The following COG5 variants were observed in gnomAD, a reference collection of about 807,000 sequenced individuals.
The protein encoded by COG5 is component of oligomeric golgi complex 5.
COG5 carries 86 observed loss-of-function variants against 110.4 expected under a neutral mutation model. The ratio of observed to expected loss-of-function variants is 0.78; its 90% CI spans 0.65 to 0.93. The LOEUF is 0.93. Ranked by LOEUF, COG5 falls within the 40% of genes least tolerant of loss-of-function variation. The probability of loss-of-function intolerance (pLI) is 0.00; values close to 1 mark genes in which losing one functional copy is unlikely to be tolerated. For missense variants in COG5, 1,077 were observed against 987.0 expected (o/e 1.09, Z -1.22); for synonymous variants, 360 against 334.6 (o/e 1.08, Z -0.83).
chr7:107,476,120 T>C lies in COG5; in HGVS notation c.538+51117A>G, dbSNP rs539938446. Among the ~76,000 whole-genome samples, 7 of 148,396 alleles carry C rather than the reference T, an allele frequency of 4.7e-5. No homozygotes were observed. In the East Asian group the frequency reaches 1.4e-3, roughly 29 times the overall value. On this transcript the variant is annotated intron_variant, in intron 6 of 21. Coordinates refer to ENST00000297135, the MANE Select transcript of COG5 (RefSeq NM_006348.5). ...AAGAATACTAAAACACCAGCCTCTT[T>C]CTTCCTTCCTCACTTTGCTTAAGTC...
rs1260127676 is a variant in COG5 at position 107,301,258 on chromosome 7, GACA to G, written c.1109-2915_1109-2913del. 3.3e-5 allele frequency among the ~76,000 whole-genome samples: 5 copies of G among 151,938 alleles called. 1 individual carries two copies. The highest frequency in any genetic ancestry group is 1.2e-4 in the African/African-American group (5 of 41,372). On this transcript the variant is annotated intron_variant, in intron 11 of 21. Coordinates refer to ENST00000297135, the MANE Select transcript of COG5 (RefSeq NM_006348.5). ...GTCTGCAAAAGAAATTGATAAACTG[GACA>G]ACATCTAAATTAAAAGTGTCTGCTC...
rs75743188 is a variant in COG5, at chr7:107,296,851, C to T, written c.1313+1291G>A. 3.1e-3 allele frequency among the ~76,000 whole-genome samples: 475 copies of T among 152,276 alleles called. 4 individuals are homozygous for T. Among genetic ancestry groups the T allele is most frequent in the African/African-American group, 0.011 (467 of 41,548 alleles). On this transcript the variant is annotated intron_variant, in intron 12 of 21. Coordinates refer to ENST00000297135, the MANE Select transcript of COG5 (RefSeq NM_006348.5). ...AAACAGCACCCATGAGTCTATCCAA[C>T]ATTTTTCTTACAAGATAGGTGATAA...
At chr7:107,263,473 T>C (rs1803538053) in intron 14 of COG5, among the ~76,000 whole-genome samples, 1 of 152,182 alleles carries the variant, frequency 6.6e-6, no homozygotes, top group Non-Finnish European at 1.5e-5. Flanking sequence ...ATGTACATAC[T>C]GGTTAATCAT....
chr7:107,267,959 G>A (rs1803936808), intron 14 of COG5, among the ~76,000 whole-genome samples: 1 of 152,106 alleles, frequency 6.6e-6, no homozygotes, highest in South Asian at 2.1e-4. Context: ...ACTTTTCGTA[G>A]TAAGAAATTC....
chr7:107,351,742 A>G (rs1812160455), intron 10 of COG5, among the ~76,000 whole-genome samples: 1 of 151,882 alleles, frequency 6.6e-6, no homozygotes, highest in Admixed American at 6.6e-5. Context: ...AGAGAAATGC[A>G]AATCAAAACC....
At chr7:107,512,168 A>T (rs912974695) in intron 6 of COG5, among the ~76,000 whole-genome samples, 1 of 152,138 alleles carries the variant, frequency 6.6e-6, no homozygotes, top group Admixed American at 6.6e-5. Flanking sequence ...GCCCAAAATC[A>T]CCTTAAGCTG....
At chr7:107,252,612 A>C (rs1043012659) in intron 16 of COG5, among the ~76,000 whole-genome samples, 5 of 152,216 alleles carry the variant, frequency 3.3e-5, no homozygotes, top group African/African-American at 7.2e-5. Context: ...ATTTTATGAC[A>C]ATATACCTTA....
At chr7:107,508,864 C>G (rs1799258122) in intron 6 of COG5, among the ~76,000 whole-genome samples, 1 of 152,120 alleles carries the variant, frequency 6.6e-6, no homozygotes, top group South Asian at 2.1e-4. Context: ...AACTACCAAA[C>G]AGAAAGGACA....
At chr7:107,380,977 C>T (rs1472718050) in intron 7 of COG5, among the ~76,000 whole-genome samples, 2 of 152,112 alleles carry the variant, frequency 1.3e-5, no homozygotes, top group Non-Finnish European at 2.9e-5. Context: ...AAGTTGGCTT[C>T]CACATACGTA....
intron 5 of COG5, 67 bp from the exon 6 acceptor site, chr7:107,527,424 T>C (rs1800853680): frequency 6.4e-7 from 1 of 1,566,020 alleles, no homozygotes; most frequent in African/African-American, 1.4e-5. Context: ...TAAATAGTAA[T>C]AACAAGCACA....
rs143875588 is a variant in COG5, at chr7:107,260,075, G to GATATATATATATATATATATATAT, written c.1576-1693_1576-1692insATATATATATATATATATATATAT. Among the ~76,000 whole-genome samples, 224 of 131,436 alleles carry GATATATATATATATATATATATAT rather than the reference G, an allele frequency of 1.7e-3. 3 individuals carry two copies. Among genetic ancestry groups the GATATATATATATATATATATATAT allele is most frequent in the Admixed American group, 3.1e-3 (39 of 12,624 alleles). The allele number at this position is 131,436 out of a possible 152,430, so 86.2% of individuals were successfully genotyped here. On this transcript the variant is annotated intron_variant, in intron 14 of 21. Transcript: ENST00000297135. Reference sequence around the variant, plus strand: ...GTGACACAGCAGTTCAACTCCTAGTGATATATATATATATATATGAAATAA... The same window carrying GATATATATATATATATATATATAT: ...GTGACACAGCAGTTCAACTCCTAGTGATATATATATATATATATATATATATATATATATATATATATGAAATAA...
chr7:107,254,001 A>T (rs1178421750), intron 16 of COG5, among the ~76,000 whole-genome samples: 2 of 152,120 alleles, frequency 1.3e-5, no homozygotes, highest in African/African-American at 4.8e-5. Context: ...TGGGCTCCTC[A>T]CTACAATAAA....
At chr7:107,516,095 TTTTA>T (rs1318635764) in intron 6 of COG5, among the ~76,000 whole-genome samples, 1 of 152,240 alleles carries the variant, frequency 6.6e-6, no homozygotes, top group Non-Finnish European at 1.5e-5. Flanking sequence ...CACTTTGTAG[TTTTA>T]TTTTTTAAAC....
intron 6 of COG5, among the ~76,000 whole-genome samples, chr7:107,442,492 GT>G (rs5886415): frequency 0.41 from 60,328 of 145,628 alleles, 12,672 homozygotes; most frequent in Non-Finnish European, 0.47. Context: ...GTTTTTTGTT[GT>G]TTTTTTTTTT....
chr7:107,278,160 C>T (rs1320074496), intron 14 of COG5, among the ~76,000 whole-genome samples: 1 of 152,160 alleles, frequency 6.6e-6, no homozygotes, highest in African/African-American at 2.4e-5. Context: ...TTTCTGAAAA[C>T]ATGCTTATCT....
At chr7:107,544,421 A>T (rs1444825940) in intron 5 of COG5, among the ~76,000 whole-genome samples, 1 of 152,176 alleles carries the variant, frequency 6.6e-6, no homozygotes, top group Admixed American at 6.6e-5. Context: ...TCCACTCCAC[A>T]AGGGGCCAGC....
At chr7:107,364,209 C>T (rs926656137) in intron 8 of COG5, among the ~76,000 whole-genome samples, 1 of 152,140 alleles carries the variant, frequency 6.6e-6, no homozygotes, top group African/African-American at 2.4e-5. Flanking sequence ...TGAAGCTAAT[C>T]ATGAAGAAAA....
intron 10 of COG5, among the ~76,000 whole-genome samples, chr7:107,356,066 A>G (rs1317955629): frequency 2.6e-5 from 4 of 152,208 alleles, no homozygotes; most frequent in African/African-American, 7.2e-5. Flanking sequence ...CTAAAATCAA[A>G]ATTAATTTTA....
intron 7 of COG5, among the ~76,000 whole-genome samples, chr7:107,387,007 G>C (rs1790253902): frequency 6.6e-6 from 1 of 152,032 alleles, no homozygotes; most frequent in South Asian, 2.1e-4. Flanking sequence ...CCAATAAATA[G>C]GTAAAAAGAC....
Sources: allele counts gnomAD v4.1 joint callset (sites outside exome capture counted in the v4.1 genomes callset), GRCh38; gene constraint gnomAD v4.1.1; transcripts MANE v1.5; gene names NCBI Gene and HGNC (gene_info 2026-07-23, HGNC 2026-07-21).